The following KDM4C variants were observed in gnomAD, a reference collection of about 807,000 sequenced individuals.
KDM4C encodes the protein lysine-specific demethylase 4C.
KDM4C carries 81 observed loss-of-function variants against 129.3 expected under a neutral mutation model. The ratio of observed to expected loss-of-function variants is 0.63; its 90% CI spans 0.52 to 0.75. The LOEUF (loss-of-function observed/expected upper bound fraction) is 0.75. Ranked by LOEUF, KDM4C falls within the 30% of genes least tolerant of loss-of-function variation. The probability of loss-of-function intolerance (pLI) is 0.00; values close to 1 mark genes in which losing one functional copy is unlikely to be tolerated. For missense variants in KDM4C, 1,457 were observed against 1,304.0 expected (o/e 1.12, Z -1.81); for synonymous variants, 573 against 456.1 (o/e 1.26, Z -3.26).
intron 8 of KDM4C, among the ~76,000 whole-genome samples, chr9:6,928,486 C>T (rs549630253): frequency 8.3e-4 from 127 of 152,274 alleles, no homozygotes; most frequent in African/African-American, 3.0e-3. Context: ...CCTTATTACT[C>T]GGATCTGTGT....
At chr9:6,867,369 G>A (rs1251911282) in intron 5 of KDM4C, among the ~76,000 whole-genome samples, 1 of 152,124 alleles carries the variant, frequency 6.6e-6, no homozygotes, top group East Asian at 1.9e-4. Context: ...AGTGAATCCA[G>A]CTTGCTTCTA....
chr9:7,049,700 C>G (rs1203737245), intron 17 of KDM4C, among the ~76,000 whole-genome samples: 2 of 152,036 alleles, frequency 1.3e-5, no homozygotes, highest in Admixed American at 6.6e-5. Flanking sequence ...CTTAATATGC[C>G]AAACTCTCTG....
chr9:6,764,060 G>A (rs1243924781), intron 1 of KDM4C, among the ~76,000 whole-genome samples: 1 of 152,172 alleles, frequency 6.6e-6, no homozygotes, highest in Non-Finnish European at 1.5e-5. Context: ...CTCCCAGCCA[G>A]AATACACTTT....
chr9:6,802,406 C>T (rs1408065925), intron 2 of KDM4C, among the ~76,000 whole-genome samples: 1 of 152,158 alleles, frequency 6.6e-6, no homozygotes, highest in Admixed American at 6.6e-5. Context: ...TTAGAAGTGT[C>T]TGTGTATGCA....
intron 8 of KDM4C, among the ~76,000 whole-genome samples, chr9:6,956,724 C>T (rs1829128093): frequency 6.6e-6 from 1 of 152,200 alleles, no homozygotes; most frequent in African/African-American, 2.4e-5. Flanking sequence ...TTTATGAGGT[C>T]TGACCAGGCC....
intron 17 of KDM4C, among the ~76,000 whole-genome samples, chr9:7,059,885 A>G (rs868790390): frequency 6.6e-6 from 1 of 152,124 alleles, no homozygotes; most frequent in Non-Finnish European, 1.5e-5. Context: ...ATTTTTAAAA[A>G]TTTCCATTTT....
chr9:6,743,511 C>CTTT (rs765932331), intron 1 of KDM4C, among the ~76,000 whole-genome samples: 1 of 142,568 alleles, frequency 7.0e-6, no homozygotes, highest in Non-Finnish European at 1.5e-5. Flanking sequence ...TTTCTGCTTC[C>CTTT]TTTTTTTTTT....
At position 6,758,519 on chromosome 9, in the gene KDM4C, G is replaced by A. The variant is rs1401240532; in HGVS notation, c.-18+316G>A. Among the ~76,000 whole-genome samples the A allele has an allele frequency of 6.6e-6, 1 of 150,438 alleles. No individual in the cohort carries two copies. The highest frequency in any genetic ancestry group is 2.5e-5 in the African/African-American group (1 of 40,798). The stretch of plus-strand genomic sequence containing the variant: ...CCTTGGGGCAGAGGAGCGCTCGGGC[G>A]GTCCTGGGATGCGGACCTCTTAACG... On this transcript the variant is annotated intron_variant, in intron 1 of 21. Transcript: ENST00000381309. This position sits in a 1 kb window ranked among gnomAD's most constrained non-coding sequence, Gnocchi z 4.6.
chr9:7,024,023 C>T (rs10975985), intron 15 of KDM4C, among the ~76,000 whole-genome samples: 12,405 of 152,054 alleles, frequency 0.082, 874 homozygotes, highest in African/African-American at 0.19. Flanking sequence ...TTTTTTTGAA[C>T]GTTTGAAGAC....
intron 18 of KDM4C, among the ~76,000 whole-genome samples, chr9:7,113,978 T>G (rs1232137841): frequency 6.6e-6 from 1 of 152,152 alleles, no homozygotes; most frequent in Non-Finnish European, 1.5e-5. Context: ...GTTGAGAGAC[T>G]TACCCATATC....
chr9:6,742,110 C>G (rs537764658), intron 1 of KDM4C, among the ~76,000 whole-genome samples: 10 of 150,732 alleles, frequency 6.6e-5, no homozygotes, highest in African/African-American at 2.5e-4. Context: ...GTAGCTGGGA[C>G]TAGAGGTGTG....
rs193145579 is a variant in KDM4C, at chr9:6,842,188, G to A, written c.436-7319G>A. Among the ~76,000 whole-genome samples the A allele has an allele frequency of 8.8e-3, 1,334 of 152,164 alleles. 25 individuals carry two copies. Among genetic ancestry groups the A allele is most frequent in the African/African-American group, 0.03 (1,247 of 41,516 alleles). ...CACAACCACTAACTTCATATTTATA[G>A]CCTGTCTCCAAAACTCCTCCTTCCT... On this transcript the variant is annotated intron_variant, in intron 4 of 21. Transcript: ENST00000381309.
Position 7,169,885 on chromosome 9 carries a change from C to T in KDM4C, c.2989C>T (p.Arg997Ter). The T allele has an allele frequency of 2.5e-6, 4 of 1,613,878 alleles. No individual in the cohort carries two copies. The highest frequency in any genetic ancestry group is 3.4e-6 in the Non-Finnish European group (4 of 1,179,884). The change falls in exon 21 of 22, where the codon CGA becomes TGA. Residue 997 changes from arginine (R) to a stop codon, truncating the protein, a stop_gained. Coordinates refer to ENST00000381309, the MANE Select transcript of KDM4C (RefSeq NM_015061.6). LOFTEE classifies it high-confidence loss of function. Reference sequence around the variant, plus strand: ...AGAGTTACCCAAGAGAGTGAAAGCTCGATTTGTAAGTGCTGGCAGATGCCA... The same window carrying T: ...AGAGTTACCCAAGAGAGTGAAAGCTTGATTTGTAAGTGCTGGCAGATGCCA... ...DEELPKRVKA[R>*]FSTASDMRFE...
intron 8 of KDM4C, among the ~76,000 whole-genome samples, chr9:6,963,464 G>A (rs1483203243): frequency 1.3e-5 from 2 of 152,152 alleles, no homozygotes; most frequent in South Asian, 2.1e-4. Flanking sequence ...CAGTAGTATC[G>A]TGCCGCATAT....
At chr9:7,051,966 G>A (rs1830209924) in intron 17 of KDM4C, among the ~76,000 whole-genome samples, 1 of 152,126 alleles carries the variant, frequency 6.6e-6, no homozygotes, top group Non-Finnish European at 1.5e-5. Flanking sequence ...AACAGGCATT[G>A]CCAGCTATCC....
chr9:6,991,843 C>CAAG (rs1818807201), intron 12 of KDM4C, among the ~76,000 whole-genome samples: 1 of 152,094 alleles, frequency 6.6e-6, no homozygotes, highest in African/African-American at 2.4e-5. Flanking sequence ...TAAGACCAGC[C>CAAG]TGGGCAACTT....
chr9:7,055,941 T>A (rs1830806459), intron 17 of KDM4C, among the ~76,000 whole-genome samples: 1 of 152,208 alleles, frequency 6.6e-6, no homozygotes, highest in Non-Finnish European at 1.5e-5. Flanking sequence ...AAAGACATAT[T>A]GATTATCTTT....
chr9:6,740,404 C>T (rs375046051), intron 1 of KDM4C, among the ~76,000 whole-genome samples: 10 of 151,978 alleles, frequency 6.6e-5, no homozygotes, highest in Middle Eastern at 3.4e-3. Flanking sequence ...GGGGTTTCAC[C>T]GTGTTAGCCA....
chr9:6,847,391 A>T (rs1838026421), intron 4 of KDM4C, among the ~76,000 whole-genome samples: 1 of 151,664 alleles, frequency 6.6e-6, no homozygotes, highest in Admixed American at 6.6e-5. Flanking sequence ...GGAACCTAGG[A>T]TCTTCTCTTT....
Sources: allele counts gnomAD v4.1 joint callset (sites outside exome capture counted in the v4.1 genomes callset), GRCh38; gene constraint gnomAD v4.1.1; non-coding constraint Gnocchi (gnomAD v3.1); transcripts MANE v1.5; gene names NCBI Gene and HGNC (gene_info 2026-07-23, HGNC 2026-07-21).